Variants in PAK5 observed in about 807,000 individuals in gnomAD.
PAK5 encodes serine/threonine-protein kinase PAK 5.
Under a neutral mutation model 65.9 loss-of-function variants are expected in PAK5, and 16 were observed. The observed-to-expected ratio is 0.24, with a 90% CI of 0.16 to 0.37. PAK5 has a LOEUF of 0.37. PAK5 is among the 10% of genes least tolerant of loss of function. PAK5 has a pLI of 1.00. For synonymous variants in PAK5, 371 were observed against 354.9 expected, an observed-to-expected ratio of 1.05 and a Z score of -0.51; for missense variants, 785 against 903.9, an observed-to-expected ratio of 0.87 and a Z score of 1.69.
At chr20:9,806,245 T>C (rs1411531893) in intron 1 of PAK5, among the ~76,000 whole-genome samples, 2 of 152,164 alleles carry the variant, frequency 1.3e-5, no homozygotes, top group Non-Finnish European at 2.9e-5. Flanking sequence ...CGCCTCTGCC[T>C]CCCAAAGTGC....
chr20:9,707,938 C>T (rs1000791062), intron 2 of PAK5, among the ~76,000 whole-genome samples: 1 of 152,090 alleles, frequency 6.6e-6, no homozygotes, highest in Non-Finnish European at 1.5e-5. Context: ...ATAACACATG[C>T]TTATTATATT....
intron 2 of PAK5, among the ~76,000 whole-genome samples, chr20:9,696,435 A>G (rs1328685965): frequency 6.6e-6 from 1 of 152,104 alleles, no homozygotes; most frequent in Non-Finnish European, 1.5e-5. Flanking sequence ...TCTATATTAC[A>G]ACATTGTAAA....
chr20:9,616,714 C>T (rs1034441140), intron 3 of PAK5, among the ~76,000 whole-genome samples: 1 of 152,070 alleles, frequency 6.6e-6, no homozygotes, highest in Non-Finnish European at 1.5e-5. Flanking sequence ...CAGACAAGGC[C>T]CAGAGAGCCA....
At chr20:9,589,351 T>C (rs903650831) in intron 3 of PAK5, among the ~76,000 whole-genome samples, 1 of 152,232 alleles carries the variant, frequency 6.6e-6, no homozygotes, top group Admixed American at 6.5e-5. Flanking sequence ...ACTTAGATCC[T>C]TATAGGAAGA....
At chr20:9,704,545 A>G (rs1161005691) in intron 2 of PAK5, among the ~76,000 whole-genome samples, 1 of 152,044 alleles carries the variant, frequency 6.6e-6, no homozygotes, top group Non-Finnish European at 1.5e-5. Flanking sequence ...TAAATATATG[A>G]TCCCTATTGC....
intron 6 of PAK5, among the ~76,000 whole-genome samples, chr20:9,560,597 C>T (rs996127995): frequency 7.2e-5 from 11 of 152,128 alleles, no homozygotes; most frequent in Non-Finnish European, 1.0e-4. Flanking sequence ...CCTGTGCTCA[C>T]GTGATCCTCC....
chr20:9,614,608 G>A (rs1156935257), intron 3 of PAK5, among the ~76,000 whole-genome samples: 1 of 152,126 alleles, frequency 6.6e-6, no homozygotes, highest in African/African-American at 2.4e-5. Flanking sequence ...TTCCTTAGAG[G>A]AACAAAGGTA....
intron 9 of PAK5, among the ~76,000 whole-genome samples, chr20:9,540,141 C>G (rs2045237490): frequency 6.6e-6 from 1 of 152,146 alleles, no homozygotes; most frequent in South Asian, 2.1e-4. Context: ...GAGATGAGGT[C>G]TCACTATGTT....
At chr20:9,616,645 A>G (rs944374694) in intron 3 of PAK5, among the ~76,000 whole-genome samples, 5 of 152,210 alleles carry the variant, frequency 3.3e-5, no homozygotes, top group African/African-American at 1.2e-4. Flanking sequence ...TGTGGCTTGC[A>G]CTGTGGGATG....
intron 1 of PAK5, among the ~76,000 whole-genome samples, chr20:9,746,348 A>G (rs1028011353): frequency 2.0e-5 from 3 of 152,188 alleles, no homozygotes; most frequent in Non-Finnish European, 2.9e-5. Context: ...GAAACCGCAC[A>G]GACATTCCTC....
At chr20:9,768,752 C>T (rs2048798978) in intron 1 of PAK5, among the ~76,000 whole-genome samples, 1 of 133,488 alleles carries the variant, frequency 7.5e-6, no homozygotes, top group African/African-American at 2.8e-5. Flanking sequence ...CACTGCACTC[C>T]AGCCTGGGCA....
At chr20:9,799,728 A>G (rs576238253) in intron 1 of PAK5, among the ~76,000 whole-genome samples, 2 of 152,102 alleles carry the variant, frequency 1.3e-5, no homozygotes, top group African/African-American at 2.4e-5. Context: ...GGAAGAGAAT[A>G]AAGAAATGAG....
At chr20:9,705,497 G>A (rs576489521) in intron 2 of PAK5, among the ~76,000 whole-genome samples, 1 of 152,230 alleles carries the variant, frequency 6.6e-6, no homozygotes, top group South Asian at 2.1e-4. Flanking sequence ...AATTCTGTGG[G>A]AAAGAGGTTA....
intron 1 of PAK5, among the ~76,000 whole-genome samples, chr20:9,781,259 G>A (rs999126637): frequency 5.3e-5 from 8 of 152,108 alleles, no homozygotes; most frequent in African/African-American, 1.9e-4. Context: ...TGAATTTACT[G>A]CTGATAGGAT....
At chr20:9,767,488 T>G (rs1040372176) in intron 1 of PAK5, among the ~76,000 whole-genome samples, 1 of 152,222 alleles carries the variant, frequency 6.6e-6, no homozygotes, top group Non-Finnish European at 1.5e-5. Context: ...TTCTATTATT[T>G]GTCTATGTTT....
At chr20:9,778,593 G>A (rs937302108) in intron 1 of PAK5, among the ~76,000 whole-genome samples, 1 of 152,132 alleles carries the variant, frequency 6.6e-6, no homozygotes, top group East Asian at 1.9e-4. Context: ...TTTTATGGTG[G>A]TATATAGAAT....
chr20:9,657,985 A>T (rs2047292202), intron 2 of PAK5, among the ~76,000 whole-genome samples: 1 of 152,226 alleles, frequency 6.6e-6, no homozygotes, highest in South Asian at 2.1e-4. Flanking sequence ...ATATCCAAAT[A>T]CACCCATCTA....
At chr20:9,743,194 A>G (rs918430947) in intron 1 of PAK5, among the ~76,000 whole-genome samples, 1 of 151,810 alleles carries the variant, frequency 6.6e-6, no homozygotes, top group Non-Finnish European at 1.5e-5. Context: ...ACAGGGAGAC[A>G]TCGACTCTAC....
chr20:9,664,175 C>T (rs184848642), intron 2 of PAK5, among the ~76,000 whole-genome samples: 14 of 152,250 alleles, frequency 9.2e-5, no homozygotes, highest in South Asian at 4.1e-4. Context: ...CATAGAGTGA[C>T]GTGTCTTCTC....
Sources: gnomAD v4.1 joint callset for allele counts (sites outside exome capture counted in the v4.1 genomes callset) on GRCh38, gnomAD v4.1.1 for gene constraint, MANE v1.5 for transcripts, NCBI Gene and HGNC (gene_info 2026-07-23, HGNC 2026-07-21) for gene names.